The following ERLEC1 variants were observed in gnomAD, a reference collection of about 807,000 sequenced individuals.
The protein encoded by ERLEC1 is endoplasmic reticulum lectin 1.
A neutral mutation model predicts 68.0 loss-of-function variants in ERLEC1; 47 were observed. The ratio of observed to expected loss-of-function variants is 0.69; its 90% confidence interval spans 0.55 to 0.88. The LOEUF (loss-of-function observed/expected upper bound fraction) is 0.88. Among genes scored for constraint, ERLEC1 ranks in the 40% least tolerant of loss-of-function variants. The pLI is 0.00. For missense variants in ERLEC1, 567 were observed against 583.8 expected (o/e 0.97, Z 0.30); for synonymous variants, 225 against 203.2 (o/e 1.11, Z -0.91).
chr2:53,814,831 A>G (rs745882749), intron 12 of ERLEC1, 29 bp from the exon 13 acceptor site: 1 of 1,520,552 alleles, frequency 6.6e-7, no homozygotes, highest in South Asian at 1.2e-5. Flanking sequence ...AATGATTTGG[A>G]CAGTACCTTA....
chr2:53,809,151 A>G, intron 9 of ERLEC1, 63 bp from the exon 10 acceptor site: 1 of 1,100,922 alleles, frequency 9.1e-7, no homozygotes, highest in Non-Finnish European at 1.3e-6. Context: ...CATTACTGTC[A>G]TGTGGCATTA....
intron 1 of ERLEC1, among the ~76,000 whole-genome samples, chr2:53,789,393 C>CA (rs1160757930): frequency 0.044 from 3,472 of 78,448 alleles, 58 homozygotes; most frequent in African/African-American, 0.05. Context: ...GACTCTGTCT[C>CA]AAAAAAAAAA....
chr2:53,805,799 G>A (rs1676265597), intron 8 of ERLEC1, among the ~76,000 whole-genome samples: 1 of 152,072 alleles, frequency 6.6e-6, no homozygotes, highest in African/African-American at 2.4e-5. Flanking sequence ...ACACATCCTT[G>A]CCAGCATTTC....
chr2:53,801,638 T>C lies in ERLEC1; in HGVS notation c.749+18T>C. The C allele has an allele frequency of 6.2e-7, 1 of 1,612,936 alleles. No individual in the cohort carries two copies. Among genetic ancestry groups the C allele is most frequent in the Non-Finnish European group, 8.5e-7 (1 of 1,179,044 alleles). On this transcript the variant is annotated intron_variant, in intron 7 of 13. Coordinates refer to ENST00000185150, the MANE Select transcript of ERLEC1 (RefSeq NM_015701.5). ...AAATATAGGTAGGATGTGCATTTAATATTTTAAACATAAAATGCACACATG... is the reference window on the plus strand; with the variant it reads ...AAATATAGGTAGGATGTGCATTTAACATTTTAAACATAAAATGCACACATG...
At chr2:53,817,117 G>T (rs1439849481) in intron 13 of ERLEC1, among the ~76,000 whole-genome samples, 4 of 148,138 alleles carry the variant, frequency 2.7e-5, no homozygotes, top group African/African-American at 7.5e-5. Context: ...TCTTTTTGTT[G>T]TTGTTGTTTT....
chr2:53,810,863 A>T (rs1325531604), intron 10 of ERLEC1, among the ~76,000 whole-genome samples: 1 of 152,208 alleles, frequency 6.6e-6, no homozygotes, highest in Non-Finnish European at 1.5e-5. Flanking sequence ...TTTAATAACA[A>T]TACAGAAAAA....
rs1456885227 is a variant in ERLEC1 at position 53,801,776 on chromosome 2, C to T, written c.813C>T (p.Pro271=). Residue 271 remains proline, a synonymous_variant, in exon 8 of 14, where the codon CCC becomes CCT. Coordinates refer to ENST00000185150, the MANE Select transcript of ERLEC1 (RefSeq NM_015701.5). ...CACTGCCAGGATCTCCATTTAAGCC[C>T]CTCACCCTGAGGCAGCTGGAGCAGC... The part of the protein sequence containing the change: ...CQSLPGSPFK[P]LTLRQLEQQE... 1 of 1,613,780 alleles carries T rather than the reference C, an allele frequency of 6.2e-7. No individual in the cohort carries two copies. Among genetic ancestry groups the T allele is most frequent in the Non-Finnish European group, 8.5e-7 (1 of 1,179,868 alleles).
intron 10 of ERLEC1, among the ~76,000 whole-genome samples, chr2:53,811,282 G>A (rs964263065): frequency 2.0e-5 from 3 of 152,150 alleles, no homozygotes; most frequent in East Asian, 3.9e-4. Flanking sequence ...ATATGTTTTA[G>A]TGAACATTTT....
chr2:53,817,371 G>A (rs888006190), intron 13 of ERLEC1, among the ~76,000 whole-genome samples: 1 of 151,944 alleles, frequency 6.6e-6, no homozygotes, highest in Non-Finnish European at 1.5e-5. Flanking sequence ...CTGCCCTCAC[G>A]ATCCGCCCGT....
Position 53,804,692 on chromosome 2 carries a change from CTT to C in ERLEC1, c.879+2853_879+2854del, listed in dbSNP as rs1487248063. On this transcript the variant is annotated intron_variant, in intron 8 of 13. Coordinates refer to ENST00000185150, the MANE Select transcript of ERLEC1 (RefSeq NM_015701.5). ...GTGTTACAAACAATCCAATGAGACT[CTT>C]TTAGTATTATTGACTATAGTCACCC... 2.6e-5 allele frequency among the ~76,000 whole-genome samples: 4 copies of C among 152,258 alleles called. No individual in the cohort carries two copies. The South Asian group carries it at 8.3e-4, about 32-fold the overall frequency.
intron 10 of ERLEC1, among the ~76,000 whole-genome samples, chr2:53,812,036 G>A (rs1676617070): frequency 6.6e-6 from 1 of 152,244 alleles, no homozygotes; most frequent in Non-Finnish European, 1.5e-5. Flanking sequence ...TCCTGCCTCA[G>A]CCTCCCAAGT....
intron 1 of ERLEC1, chr2:53,788,439 G>C (rs1213113670): frequency 2.0e-5 from 3 of 152,166 alleles, no homozygotes; most frequent in African/African-American, 7.2e-5. Context: ...GTCTCAGTCT[G>C]TTGCCCATTC....
At chr2:53,802,585 C>G (rs987913533) in intron 8 of ERLEC1, among the ~76,000 whole-genome samples, 2 of 152,196 alleles carry the variant, frequency 1.3e-5, no homozygotes, top group African/African-American at 4.8e-5. Context: ...TGAAATCACC[C>G]TTTGATTATG....
At chr2:53,801,349 C>T (rs1675992146) in intron 6 of ERLEC1, 48 bp from the exon 7 acceptor site, 2 of 1,423,296 alleles carry the variant, frequency 1.4e-6, no homozygotes, top group Non-Finnish European at 2.0e-6. Context: ...CCCCCAGTCC[C>T]ATCTCCATGT....
chr2:53,806,784 C>T (rs1309919630), intron 8 of ERLEC1, among the ~76,000 whole-genome samples: 1 of 152,164 alleles, frequency 6.6e-6, no homozygotes, highest in Non-Finnish European at 1.5e-5. Flanking sequence ...AACCCATATA[C>T]TGTCTAATTT....
intron 8 of ERLEC1, among the ~76,000 whole-genome samples, chr2:53,803,923 G>A (rs1211453228): frequency 6.6e-6 from 1 of 152,222 alleles, no homozygotes; most frequent in African/African-American, 2.4e-5. Context: ...GAGGTCAGGA[G>A]TTCAAGACCA....
intron 1 of ERLEC1, 55 bp from the exon 2 acceptor site, chr2:53,794,290 C>T (rs1675566863): frequency 1.4e-6 from 1 of 707,326 alleles, no homozygotes; most frequent in Admixed American, 2.8e-5. Context: ...TAAAGTTATT[C>T]AGTGTGATAC....
At chr2:53,790,865 T>C (rs1020853301) in intron 1 of ERLEC1, among the ~76,000 whole-genome samples, 1 of 152,268 alleles carries the variant, frequency 6.6e-6, no homozygotes, top group African/African-American at 2.4e-5. Context: ...GTTTTGTTTT[T>C]GTGTTAATAT....
Position 53,788,280 on chromosome 2 carries a change from CAGTA to C in ERLEC1, c.162+912_162+915del, listed in dbSNP as rs1210299163. Among the ~76,000 whole-genome samples, 12 of 152,270 alleles carry C rather than the reference CAGTA, an allele frequency of 7.9e-5. No individual in the cohort carries two copies. The South Asian group carries it at 2.1e-3, about 26-fold the overall frequency. On this transcript the variant is annotated intron_variant, in intron 1 of 13. Transcript: ENST00000185150. ...TTCTTTCATTACCATTTCATTGAAA[CAGTA>C]AGTGACACTATGATGTCAAAACAAG... is the stretch of plus-strand genomic sequence containing the variant.
Sources: allele counts gnomAD v4.1 joint callset (sites outside exome capture counted in the v4.1 genomes callset), GRCh38; gene constraint gnomAD v4.1.1; transcripts MANE v1.5; gene names NCBI Gene and HGNC (gene_info 2026-07-23, HGNC 2026-07-21).